The following DLG2 variants were observed in gnomAD, a reference collection of about 807,000 sequenced individuals.
DLG2 encodes the protein disks large homolog 2.
Under a neutral mutation model 132.5 loss-of-function variants are expected in DLG2, and 45 were observed. The observed-to-expected ratio is 0.34, with a 90% CI of 0.27 to 0.44. The LOEUF (loss-of-function observed/expected upper bound fraction) is 0.44. Ranked by LOEUF, DLG2 falls within the 20% of genes least tolerant of loss-of-function variation. DLG2 has a pLI of 1.00. For missense variants in DLG2, 1,045 were observed against 1,196.9 expected, an observed-to-expected ratio of 0.87 and a Z score of 1.87; for synonymous variants, 424 against 419.6, an observed-to-expected ratio of 1.01 and a Z score of -0.13.
At chr11:85,343,729 T>C (rs1049095384) in intron 3 of DLG2, among the ~76,000 whole-genome samples, 3 of 152,070 alleles carry the variant, frequency 2.0e-5, no homozygotes, top group South Asian at 2.1e-4. Flanking sequence ...AGAGTGATGA[T>C]GTATGGTTTT....
chr11:85,297,551 C>T (rs1356817810), intron 3 of DLG2, among the ~76,000 whole-genome samples: 2 of 152,134 alleles, frequency 1.3e-5, no homozygotes, highest in African/African-American at 2.4e-5. Flanking sequence ...TTTCTTCTTG[C>T]TTTATTGAAA....
intron 4 of DLG2, 147 bp from the exon 5 acceptor site, chr11:85,154,798 T>G: frequency 3.8e-6 from 2 of 531,804 alleles, no homozygotes; most frequent in Non-Finnish European, 6.5e-6. Flanking sequence ...ATGAATGTAC[T>G]ATCTAACCCA....
Position 85,098,077 on chromosome 11 carries a change from A to G in DLG2, c.357+13584T>C, listed in dbSNP as rs147642097. On this transcript the variant is annotated intron_variant, in intron 6 of 27. Coordinates refer to ENST00000376104, the MANE Select transcript of DLG2 (RefSeq NM_001142699.3). ...TTCAAACAACACTATAAATCATAAG[A>G]TAAGGACTGAAGAGAGTATGTGCTG... 7.2e-5 allele frequency among the ~76,000 whole-genome samples: 11 copies of G among 152,344 alleles called. No homozygotes were observed. The South Asian group carries it at 1.2e-3, about 17-fold the overall frequency.
intron 6 of DLG2, among the ~76,000 whole-genome samples, chr11:84,588,572 CA>C (rs1381133383): frequency 6.6e-6 from 1 of 152,092 alleles, no homozygotes; most frequent in Non-Finnish European, 1.5e-5. Context: ...TGAACCAGAG[CA>C]GCTCCATTTT....
chr11:84,112,011 T>A (rs183524826), intron 9 of DLG2, among the ~76,000 whole-genome samples: 101 of 152,156 alleles, frequency 6.6e-4, no homozygotes, highest in African/African-American at 2.3e-3. Flanking sequence ...AACCACTTTT[T>A]TTTCCCTTTT....
chr11:84,026,444 C>T (rs1345039946), intron 11 of DLG2, among the ~76,000 whole-genome samples: 2 of 152,040 alleles, frequency 1.3e-5, no homozygotes, highest in African/African-American at 2.4e-5. Flanking sequence ...AAAGAGACTT[C>T]AGGACTTGCA....
intron 7 of DLG2, among the ~76,000 whole-genome samples, chr11:84,409,893 C>T (rs1351135902): frequency 6.6e-6 from 1 of 152,152 alleles, no homozygotes; most frequent in Non-Finnish European, 1.5e-5. Flanking sequence ...AGAGCACAGA[C>T]CATACAAGCA....
intron 3 of DLG2, among the ~76,000 whole-genome samples, chr11:85,597,401 T>A (rs1348642563): frequency 6.6e-6 from 1 of 152,012 alleles, no homozygotes; most frequent in Non-Finnish European, 1.5e-5. Context: ...TGTTTAAAAA[T>A]GTTCTCAAAA....
At chr11:83,579,188 T>A (rs2096929094) in intron 19 of DLG2, among the ~76,000 whole-genome samples, 1 of 152,142 alleles carries the variant, frequency 6.6e-6, no homozygotes, top group Admixed American at 6.5e-5. Context: ...ATTCTTAATG[T>A]AAGATATTTG....
At chr11:83,968,392 C>T (rs918324136) in intron 12 of DLG2, among the ~76,000 whole-genome samples, 1 of 152,130 alleles carries the variant, frequency 6.6e-6, no homozygotes, top group African/African-American at 2.4e-5. Context: ...CATTTCTCTT[C>T]TAGATAAGAC....
At chr11:84,382,899 T>C (rs1446215819) in intron 7 of DLG2, among the ~76,000 whole-genome samples, 1 of 151,716 alleles carries the variant, frequency 6.6e-6, no homozygotes, top group Non-Finnish European at 1.5e-5. Flanking sequence ...CATATCCAGA[T>C]GCTACTCTAC....
intron 5 of DLG2, among the ~76,000 whole-genome samples, chr11:85,130,984 G>A (rs921319398): frequency 1.3e-5 from 2 of 151,904 alleles, no homozygotes; most frequent in Non-Finnish European, 2.9e-5. Context: ...CATCACTCTA[G>A]AAATGTTCGT....
chr11:84,111,803 G>C (rs1312499395), intron 9 of DLG2, among the ~76,000 whole-genome samples: 3 of 152,076 alleles, frequency 2.0e-5, no homozygotes, highest in Admixed American at 2.0e-4. Flanking sequence ...GCATGAGTAC[G>C]GCACAATATT....
chr11:83,492,512 A>ACTAT (rs2093911038), intron 21 of DLG2, among the ~76,000 whole-genome samples: 2 of 151,838 alleles, frequency 1.3e-5, no homozygotes, highest in Non-Finnish European at 2.9e-5. Context: ...TTGCCTACTC[A>ACTAT]CTATCTTTAC....
intron 20 of DLG2, among the ~76,000 whole-genome samples, chr11:83,538,810 T>C (rs530982084): frequency 2.0e-5 from 3 of 152,234 alleles, no homozygotes; most frequent in African/African-American, 4.8e-5. Flanking sequence ...CACAGTTACA[T>C]GTTGGTCCCA....
chr11:85,473,387 A>G (rs1169592493), intron 3 of DLG2, among the ~76,000 whole-genome samples: 1 of 152,374 alleles, frequency 6.6e-6, no homozygotes, highest in East Asian at 1.9e-4. Flanking sequence ...ATAATTATTC[A>G]AAAGCAGAAG....
intron 17 of DLG2, among the ~76,000 whole-genome samples, chr11:83,794,319 G>A (rs563793764): frequency 1.5e-4 from 23 of 151,842 alleles, no homozygotes; most frequent in African/African-American, 5.6e-4. Flanking sequence ...TATCCCTGAG[G>A]TTTGAGTTTT....
chr11:84,508,563 T>G (rs1158465678), intron 7 of DLG2, among the ~76,000 whole-genome samples: 1 of 151,888 alleles, frequency 6.6e-6, no homozygotes, highest in Non-Finnish European at 1.5e-5. Flanking sequence ...CCACCATGCC[T>G]GGCTAATTTT....
rs186295928 is a variant in DLG2 at position 84,766,386 on chromosome 11, G to T, written c.358-231655C>A. ...TATTTGAAATTTTCATGAGTACAGTGACCATGTCTTCTTTTTTCTTATCAT... is the reference window on the plus strand; with the variant it reads ...TATTTGAAATTTTCATGAGTACAGTTACCATGTCTTCTTTTTTCTTATCAT... On this transcript the variant is annotated intron_variant, in intron 6 of 27. Coordinates refer to ENST00000376104, the MANE Select transcript of DLG2 (RefSeq NM_001142699.3). Among the ~76,000 whole-genome samples the T allele has an allele frequency of 4.6e-5, 7 of 152,084 alleles. No individual in the cohort carries two copies. The East Asian group carries it at 1.4e-3, about 29-fold the overall frequency.
Sources: allele counts gnomAD v4.1 joint callset (sites outside exome capture counted in the v4.1 genomes callset), GRCh38; gene constraint gnomAD v4.1.1; transcripts MANE v1.5; gene names NCBI Gene and HGNC (gene_info 2026-07-23, HGNC 2026-07-21).